WNK3: variants seen among roughly 807,000 people sequenced by gnomAD.
The protein encoded by WNK3 is serine/threonine-protein kinase WNK3.
A neutral mutation model predicts 116.7 loss-of-function variants in WNK3; 18 were observed. The ratio of observed to expected loss-of-function variants is 0.15; its 90% confidence interval spans 0.11 to 0.23. WNK3 has a LOEUF of 0.23. Ranked by LOEUF, WNK3 falls within the 10% of genes least tolerant of loss-of-function variation. The probability of loss-of-function intolerance (pLI) is 1.00; values close to 1 mark genes in which losing one functional copy is unlikely to be tolerated. For synonymous variants in WNK3, 404 were observed against 469.4 expected (o/e 0.86, Z 1.80); for missense variants, 993 against 1,323.8 (o/e 0.75, Z 3.88).
At chrX:54,338,149 G>A (rs67583335) in intron 1 of WNK3, among the ~76,000 whole-genome samples, 6,706 of 110,204 alleles carry the variant, frequency 0.061, 488 homozygotes, top group African/African-American at 0.21. Flanking sequence ...GGCTGGGCAC[G>A]GTGGCTCACA....
exon 10 of WNK3, chrX:54,292,948 C>T (rs377261178): frequency 2.1e-5 from 25 of 1,208,130 alleles, no homozygotes; most frequent in African/African-American, 7.0e-5. Context: ...AAACAACTGT[C>T]GGTCCAAGGA....
chrX:54,210,312 C>T (rs1391031574), intron 22 of WNK3, among the ~76,000 whole-genome samples: 2 of 112,146 alleles, frequency 1.8e-5, no homozygotes, highest in African/African-American at 6.5e-5. Context: ...GAAGACATGA[C>T]CATTTTTATA....
At chrX:54,296,633 C>A (rs781973261) in intron 7 of WNK3, among the ~76,000 whole-genome samples, 2 of 111,445 alleles carry the variant, frequency 1.8e-5, no homozygotes, top group Non-Finnish European at 3.8e-5. Flanking sequence ...TTTAGAACAA[C>A]AGTATGATCA....
At chrX:54,308,039 G>A (rs999472279) in exon 5 of WNK3, 27 of 1,203,517 alleles carry the variant, frequency 2.2e-5, no homozygotes, top group Non-Finnish European at 2.9e-5. Context: ...ATTCATCATA[G>A]TGTTCTTCAT....
intron 2 of WNK3, among the ~76,000 whole-genome samples, chrX:54,323,773 G>C (rs2069065659): frequency 9.0e-6 from 1 of 110,942 alleles, no homozygotes; most frequent in Non-Finnish European, 1.9e-5. Context: ...TCCTTCTACT[G>C]TAAGCTTTGT....
chrX:54,290,013 G>T (rs2068622045), intron 10 of WNK3, among the ~76,000 whole-genome samples: 1 of 111,865 alleles, frequency 8.9e-6, no homozygotes, highest in Admixed American at 9.5e-5. Context: ...GGTGGCTCAC[G>T]CCTGTAATCC....
intron 10 of WNK3, among the ~76,000 whole-genome samples, chrX:54,277,778 C>T (rs2068467578): frequency 1.8e-5 from 2 of 111,743 alleles, no homozygotes; most frequent in Non-Finnish European, 3.8e-5. Flanking sequence ...TAACAAGGAA[C>T]ATGTGAAAAC....
intron 17 of WNK3, among the ~76,000 whole-genome samples, chrX:54,247,824 G>A (rs1382144987): frequency 9.0e-6 from 1 of 111,585 alleles, no homozygotes; most frequent in Non-Finnish European, 1.9e-5. Flanking sequence ...AATGTTATAT[G>A]TATGTAAATA....
chrX:54,307,740 TTA>T (rs1569538564), intron 5 of WNK3, among the ~76,000 whole-genome samples, 180 bp downstream of exon 5: 1 of 111,437 alleles, frequency 9.0e-6, no homozygotes, highest in Non-Finnish European at 1.9e-5. Flanking sequence ...ACAGAGCATT[TTA>T]TATGACTCCA....
chrX:54,258,440 C>T (rs906196262), intron 11 of WNK3, among the ~76,000 whole-genome samples: 1 of 108,913 alleles, frequency 9.2e-6, no homozygotes, highest in African/African-American at 3.3e-5. Context: ...TTCAAGCAAT[C>T]CCCCAGCCCC....
chrX:54,347,665 C>CATAT (rs200836859), intron 1 of WNK3, among the ~76,000 whole-genome samples: 2 of 100,608 alleles, frequency 2.0e-5, no homozygotes, highest in African/African-American at 7.6e-5. Flanking sequence ...AAATAAAAGA[C>CATAT]ATATATATAT....
chrX:54,219,448 A>G (rs1389784629), intron 22 of WNK3, among the ~76,000 whole-genome samples: 3 of 109,302 alleles, frequency 2.7e-5, no homozygotes, highest in Non-Finnish European at 5.7e-5. Flanking sequence ...GGGAGGCTGA[A>G]GCAGGCAGAT....
At chrX:54,263,676 A>G (rs1445496124) in intron 10 of WNK3, among the ~76,000 whole-genome samples, 1 of 111,917 alleles carries the variant, frequency 8.9e-6, no homozygotes, top group African/African-American at 3.2e-5. Flanking sequence ...TCAAAGAGCC[A>G]GAGTTGAAAT....
intron 22 of WNK3, among the ~76,000 whole-genome samples, chrX:54,206,652 T>G (rs1024021674): frequency 3.6e-5 from 4 of 112,018 alleles, no homozygotes; most frequent in African/African-American, 9.7e-5. Context: ...AATTATCTCA[T>G]GCATAGACTA....
intron 1 of WNK3, among the ~76,000 whole-genome samples, chrX:54,341,956 A>G (rs2069331421): frequency 8.9e-6 from 1 of 112,114 alleles, no homozygotes; most frequent in African/African-American, 3.2e-5. Flanking sequence ...TTGTATCTCA[A>G]TAAAATATGA....
At chrX:54,273,576 A>T (rs1181541123) in intron 10 of WNK3, among the ~76,000 whole-genome samples, 2 of 112,248 alleles carry the variant, frequency 1.8e-5, no homozygotes, top group Admixed American at 1.9e-4. Flanking sequence ...TAAAGTCATA[A>T]CATCCCAGAA....
At chrX:54,267,264 C>T (rs781830690) in intron 10 of WNK3, among the ~76,000 whole-genome samples, 1 of 110,144 alleles carries the variant, frequency 9.1e-6, no homozygotes, top group Admixed American at 9.7e-5. Flanking sequence ...GACAGGATTT[C>T]GCCATGTTGC....
chrX:54,228,418 T>C (rs948386308), intron 22 of WNK3, among the ~76,000 whole-genome samples: 1 of 111,931 alleles, frequency 8.9e-6, no homozygotes, highest in South Asian at 3.7e-4. Flanking sequence ...GTAACTGTAT[T>C]GATACAAAAT....
chrX:54,308,534 C>T (rs1382831390), intron 4 of WNK3, among the ~76,000 whole-genome samples: 2 of 111,875 alleles, frequency 1.8e-5, no homozygotes, highest in East Asian at 5.5e-4. Context: ...GCTATATCTA[C>T]ATAAAGCACT....
Sources: allele counts gnomAD v4.1 joint callset (sites outside exome capture counted in the v4.1 genomes callset), GRCh38; gene constraint gnomAD v4.1.1; transcripts MANE v1.5; gene names NCBI Gene and HGNC (gene_info 2026-07-23, HGNC 2026-07-21).